RASGEF1A: variants seen among roughly 807,000 people sequenced by gnomAD.
RASGEF1A encodes ras-GEF domain-containing family member 1A.
In RASGEF1A, 18 loss-of-function variants were observed where a neutral mutation model predicts 56.4. That is an observed-to-expected ratio of 0.32 (90% CI 0.22 to 0.47). The LOEUF (loss-of-function observed/expected upper bound fraction) is 0.47, where lower values mean the gene tolerates loss of function less well. Among genes scored for constraint, RASGEF1A ranks in the 20% least tolerant of loss-of-function variants. RASGEF1A has a pLI of 1.00. For missense variants in RASGEF1A, 422 were observed against 627.1 expected (o/e 0.67, Z 3.49); for synonymous variants, 245 against 242.6 (o/e 1.01, Z -0.09).
Position 43,267,011 on chromosome 10 carries a change from T to C in RASGEF1A, c.-173A>G, listed in dbSNP as rs1435248236. ...GCCAGCTGCGGGCAGAGCAGCTCCC[T>C]CCGCAGCCGGCGCCGGGGAGCGCGA... On this transcript the variant is annotated 5_prime_UTR_variant, in exon 1 of 13. Coordinates refer to ENST00000395810, the MANE Select transcript of RASGEF1A (RefSeq NM_145313.4). The C allele has an allele frequency of 6.8e-6, 1 of 147,568 alleles. No homozygotes were observed. The highest frequency in any genetic ancestry group is 1.5e-5 in the Non-Finnish European group (1 of 66,576). 9.1% of individuals were successfully genotyped at this position (147,568 alleles called of 1,614,324 possible).
In RASGEF1A at chr10:43,227,246, T is replaced by G. The variant is rs1053798704; in HGVS notation, c.-6-21124A>C. Among the ~76,000 whole-genome samples the G allele has an allele frequency of 3.3e-5, 5 of 152,180 alleles. No homozygotes were observed. The East Asian group carries it at 9.6e-4, about 29-fold the overall frequency. ...AGTCAATCCTCATGCATCCCACCAA[T>G]GCCAGTGTGAGACTCTCTCCCCCAG... is the stretch of plus-strand genomic sequence containing the variant. On this transcript the variant is annotated intron_variant, in intron 1 of 12. Transcript: ENST00000395810.
chr10:43,214,465 T>C (rs1445760873), intron 1 of RASGEF1A, among the ~76,000 whole-genome samples: 1 of 152,094 alleles, frequency 6.6e-6, no homozygotes, highest in Non-Finnish European at 1.5e-5. Context: ...CGTAGGTGTG[T>C]GCACAGAGCA....
At chr10:43,199,630 G>C in intron 7 of RASGEF1A, 46 bp downstream of exon 7, 2 of 1,456,180 alleles carry the variant, frequency 1.4e-6, no homozygotes, top group Non-Finnish European at 1.9e-6. Context: ...GTCTCACTGG[G>C]TGTGGGCATG....
chr10:43,220,783 T>TA, intron 1 of RASGEF1A, among the ~76,000 whole-genome samples: 1 of 141,112 alleles, frequency 7.1e-6, no homozygotes. Context: ...AGACTCTGTC[T>TA]TAAAAAAAAA....
At chr10:43,238,014 G>A (rs1182502056) in intron 1 of RASGEF1A, among the ~76,000 whole-genome samples, 1 of 151,534 alleles carries the variant, frequency 6.6e-6, no homozygotes, top group Non-Finnish European at 1.5e-5. Flanking sequence ...ACAGGCCAAG[G>A]CGGCCAGGCC....
intron 1 of RASGEF1A, among the ~76,000 whole-genome samples, chr10:43,233,303 CGTGTGTGTGTGCGTGT>C (rs1265764556): frequency 1.3e-5 from 2 of 151,872 alleles, no homozygotes; most frequent in African/African-American, 4.8e-5. Flanking sequence ...TGTGTGTGCA[CGTGTGTGTGTGCGTGT>C]GTGTGTGTGT....
intron 1 of RASGEF1A, among the ~76,000 whole-genome samples, chr10:43,242,037 C>T (rs1175668111): frequency 4.6e-5 from 7 of 152,262 alleles, no homozygotes; most frequent in Non-Finnish European, 1.0e-4. Context: ...ACTCAGGAGG[C>T]TGAGGCAGGA....
intron 1 of RASGEF1A, chr10:43,229,533 C>T: frequency 9.9e-7 from 1 of 1,009,870 alleles, no homozygotes; most frequent in Non-Finnish European, 1.4e-6. Flanking sequence ...GGCGGGCACC[C>T]TCCCGCACGG....
At chr10:43,229,010 G>C (rs1034339604) in intron 1 of RASGEF1A, among the ~76,000 whole-genome samples, 1 of 152,200 alleles carries the variant, frequency 6.6e-6, no homozygotes, top group African/African-American at 2.4e-5. Flanking sequence ...ACGCCTCTGG[G>C]GATGGGTCTC....
chr10:43,253,485 G>A (rs1765650299), intron 1 of RASGEF1A, among the ~76,000 whole-genome samples: 1 of 152,238 alleles, frequency 6.6e-6, no homozygotes, highest in South Asian at 2.1e-4. Flanking sequence ...TCCTGGGTGG[G>A]CCCATTGTAT....
chr10:43,220,974 A>AC (rs1234089444), intron 1 of RASGEF1A, among the ~76,000 whole-genome samples: 23 of 152,022 alleles, frequency 1.5e-4, no homozygotes, highest in African/African-American at 5.6e-4. Flanking sequence ...GGCCAGGGAC[A>AC]CTCCTGCGGA....
intron 2 of RASGEF1A, 34 bp from the exon 3 acceptor site, chr10:43,203,454 G>A (rs1839942802): frequency 6.0e-6 from 9 of 1,489,944 alleles, no homozygotes; most frequent in Non-Finnish European, 7.2e-6. Context: ...GGCGGAGGGA[G>A]GGTGAGGCAG....
At chr10:43,243,924 T>C (rs892991981) in intron 1 of RASGEF1A, among the ~76,000 whole-genome samples, 1 of 150,934 alleles carries the variant, frequency 6.6e-6, no homozygotes, top group Non-Finnish European at 1.5e-5. Flanking sequence ...ATGATGACGA[T>C]GGTGGTTTTG....
chr10:43,209,666 G>A (rs917112798), intron 1 of RASGEF1A, among the ~76,000 whole-genome samples: 5 of 148,950 alleles, frequency 3.4e-5, no homozygotes, highest in East Asian at 2.1e-4. Flanking sequence ...TTTGGGCACT[G>A]TGGAGAGCTC....
chr10:43,243,686 G>A (rs1840535018), intron 1 of RASGEF1A, among the ~76,000 whole-genome samples: 1 of 151,028 alleles, frequency 6.6e-6, no homozygotes, highest in East Asian at 2.0e-4. Flanking sequence ...CGTCTGGGAG[G>A]TGGGGAGCAC....
chr10:43,216,323 G>A (rs1840136243), intron 1 of RASGEF1A, among the ~76,000 whole-genome samples: 1 of 152,210 alleles, frequency 6.6e-6, no homozygotes, highest in Non-Finnish European at 1.5e-5. Context: ...CTCCCACCAG[G>A]ACATCGGGAA....
At chr10:43,216,429 C>A (rs555205534) in intron 1 of RASGEF1A, among the ~76,000 whole-genome samples, 4 of 152,162 alleles carry the variant, frequency 2.6e-5, no homozygotes, top group East Asian at 3.9e-4. Flanking sequence ...CCTTACCCTG[C>A]GGGGAGGGCT....
intron 4 of RASGEF1A, 138 bp downstream of exon 4, chr10:43,201,669 TG>T: frequency 1.1e-6 from 1 of 914,578 alleles, no homozygotes. Flanking sequence ...GGAGGTTGAA[TG>T]GGGCCAGCCA....
intron 1 of RASGEF1A, among the ~76,000 whole-genome samples, chr10:43,227,146 T>C (rs1482363419): frequency 6.6e-6 from 1 of 152,154 alleles, no homozygotes; most frequent in African/African-American, 2.4e-5. Context: ...CTCTGGTCAC[T>C]CACCAGCAGT....
Sources: gnomAD v4.1 joint callset for allele counts (sites outside exome capture counted in the v4.1 genomes callset) on GRCh38, gnomAD v4.1.1 for gene constraint, MANE v1.5 for transcripts, NCBI Gene and HGNC (gene_info 2026-07-23, HGNC 2026-07-21) for gene names.